The following CCDC80 variants were observed in gnomAD, a reference collection of about 807,000 sequenced individuals.
The protein encoded by CCDC80 is coiled-coil domain containing 80.
Under a neutral mutation model 78.7 loss-of-function variants are expected in CCDC80, and 49 were observed. The ratio of observed to expected loss-of-function variants is 0.62; its 90% CI spans 0.50 to 0.79. CCDC80 has a LOEUF of 0.79. CCDC80 is among the 30% of genes least tolerant of loss of function. The probability of loss-of-function intolerance (pLI) is 0.00; values close to 1 mark genes in which losing one functional copy is unlikely to be tolerated. For missense variants in CCDC80, 1,205 were observed against 1,198.6 expected (o/e 1.01, Z -0.08); for synonymous variants, 488 against 447.0 (o/e 1.09, Z -1.16).
chr3:112,609,484 C>T (rs1935582194), intron 6 of CCDC80, among the ~76,000 whole-genome samples: 1 of 152,076 alleles, frequency 6.6e-6, no homozygotes, highest in Admixed American at 6.5e-5. Context: ...AATTCTTTCA[C>T]TAAGTCTTCT....
chr3:112,617,371 A>T (rs894929125), intron 4 of CCDC80, among the ~76,000 whole-genome samples: 1 of 152,256 alleles, frequency 6.6e-6, no homozygotes, highest in African/African-American at 2.4e-5. Context: ...CTCAGAAATA[A>T]GTTGGGATCC....
chr3:112,610,844 G>A (rs1229925368), intron 5 of CCDC80, among the ~76,000 whole-genome samples: 1 of 151,588 alleles, frequency 6.6e-6, no homozygotes, highest in Non-Finnish European at 1.5e-5. Context: ...TGTCTTTTTG[G>A]GTGTCGTTGA....
chr3:112,613,492 G>A (rs1329742613), intron 5 of CCDC80, among the ~76,000 whole-genome samples: 2 of 151,872 alleles, frequency 1.3e-5, no homozygotes, highest in Non-Finnish European at 2.9e-5. Context: ...GTACTTTCTT[G>A]AGAATAAAAA....
At position 112,640,070 on chromosome 3, in the gene CCDC80, T is replaced by G. The variant is rs969084443; in HGVS notation, c.-11-154A>C. The G allele has an allele frequency of 2.1e-5, 18 of 872,830 alleles. No homozygotes were observed. In the Admixed American group the frequency reaches 4.3e-4, roughly 21 times the overall value. 54.1% of individuals were successfully genotyped at this position (872,830 alleles called of 1,614,324 possible). On this transcript the variant is annotated intron_variant, in intron 1 of 7. Transcript: ENST00000206423. ...AGAGAGAAGGAGGGAGGTCAGGAGA[T>G]GGAAAATGGGATGAGATCCTGTTAC...
intron 2 of CCDC80, among the ~76,000 whole-genome samples, 188 bp downstream of exon 2, chr3:112,637,840 T>C (rs1320376713): frequency 2.0e-5 from 3 of 152,174 alleles, no homozygotes; most frequent in Admixed American, 1.3e-4. Flanking sequence ...CAGAACTTCA[T>C]AGGTCACTAA....
chr3:112,610,285 T>A, intron 5 of CCDC80: 1 of 573,968 alleles, frequency 1.7e-6, no homozygotes, highest in Non-Finnish European at 3.1e-6. Flanking sequence ...AACTTCACAG[T>A]CTTTCTGCTT....
At chr3:112,607,326 A>T (rs1485073862) in intron 6 of CCDC80, 70 bp from the exon 7 acceptor site, 27 of 1,069,028 alleles carry the variant, frequency 2.5e-5, no homozygotes, top group Non-Finnish European at 3.8e-5. Context: ...CAAAGCCCTG[A>T]TATCTGACAA....
At chr3:112,627,495 T>C (rs934508237) in intron 3 of CCDC80, among the ~76,000 whole-genome samples, 4 of 152,176 alleles carry the variant, frequency 2.6e-5, no homozygotes, top group African/African-American at 9.7e-5. Context: ...CACACTGTAG[T>C]TGGATGTGTG....
At chr3:112,616,619 A>G in intron 5 of CCDC80, 91 bp downstream of exon 5, 8 of 1,431,482 alleles carry the variant, frequency 5.6e-6, no homozygotes, top group South Asian at 1.2e-5. Flanking sequence ...CTCTGTAAAC[A>G]CCTGTGGGAT....
At chr3:112,633,275 T>G (rs964698898) in intron 2 of CCDC80, among the ~76,000 whole-genome samples, 1 of 152,158 alleles carries the variant, frequency 6.6e-6, no homozygotes, top group Non-Finnish European at 1.5e-5. Flanking sequence ...CCTTCCTCTG[T>G]CTTTGCCCAA....
chr3:112,625,021 G>A lies in CCDC80; in HGVS notation c.2035+5092C>T, dbSNP rs534221630. Reference sequence around the variant, plus strand: ...TTATCTTGGAGTAGAAAGGGGAGGTGGGAGTCTGAATTTTTTTCCAATTTA... The same window carrying A: ...TTATCTTGGAGTAGAAAGGGGAGGTAGGAGTCTGAATTTTTTTCCAATTTA... On this transcript the variant is annotated intron_variant, in intron 3 of 7. Coordinates refer to ENST00000206423, the MANE Select transcript of CCDC80 (RefSeq NM_199511.3). Among the ~76,000 whole-genome samples, 19 of 152,174 alleles carry A rather than the reference G, an allele frequency of 1.2e-4. No homozygotes were observed. The South Asian group carries it at 3.9e-3, about 32-fold the overall frequency.
chr3:112,633,184 A>C (rs907277339), intron 2 of CCDC80, among the ~76,000 whole-genome samples: 1 of 152,212 alleles, frequency 6.6e-6, no homozygotes, highest in Non-Finnish European at 1.5e-5. Context: ...AACTTATTAC[A>C]GATTGATTTA....
intron 2 of CCDC80, among the ~76,000 whole-genome samples, chr3:112,631,107 A>T (rs1936088394): frequency 6.6e-6 from 1 of 152,166 alleles, no homozygotes. Flanking sequence ...TACAGTAAGG[A>T]TAACCCTACT....
At chr3:112,621,267 T>C (rs1244181919) in intron 3 of CCDC80, among the ~76,000 whole-genome samples, 1 of 152,310 alleles carries the variant, frequency 6.6e-6, no homozygotes, top group East Asian at 1.9e-4. Context: ...CATTAGGGAT[T>C]GTTCTTGCTT....
rs777207010 is a variant in CCDC80 at position 112,602,797 on chromosome 3, A to G, written c.*2620T>C. ...TTGTGCATCCATAAAAGTGCAAAGT[A>G]AAGCAGCAAATGTTGATGTAGAAGC... On this transcript the variant is annotated 3_prime_UTR_variant, in exon 8 of 8. Transcript: ENST00000206423. The G allele has an allele frequency of 2.6e-5, 4 of 152,278 alleles. No homozygotes were observed. Among genetic ancestry groups the G allele is most frequent in the Non-Finnish European group, 5.9e-5 (4 of 68,060 alleles). 9.4% of individuals were successfully genotyped at this position (152,278 alleles called of 1,614,324 possible). A position where few individuals can be genotyped will look rare whatever the true frequency, so the allele number is the denominator to read the frequency against.
Position 112,605,234 on chromosome 3 carries a change from A to G in CCDC80, c.*183T>C, listed in dbSNP as rs576153352. ...AAAAACAATTCTTTTAAATGTCTTT[A>G]TGATTTGAGGTTTCAATAATAACTC... On this transcript the variant is annotated 3_prime_UTR_variant, in exon 8 of 8. Coordinates refer to ENST00000206423, the MANE Select transcript of CCDC80 (RefSeq NM_199511.3). 12 of 495,524 alleles carry G rather than the reference A, an allele frequency of 2.4e-5. No individual in the cohort carries two copies. The South Asian group carries it at 4.5e-4, about 19-fold the overall frequency. 30.7% of individuals were successfully genotyped at this position (495,524 alleles called of 1,614,324 possible).
In CCDC80 at chr3:112,597,845, C is replaced by T. The variant is rs1224555157; in HGVS notation, c.*7572G>A. On this transcript the variant is annotated 3_prime_UTR_variant, in exon 8 of 8. Coordinates refer to ENST00000206423, the MANE Select transcript of CCDC80 (RefSeq NM_199511.3). ...CCATAAAAACCCATAATTGATGATA[C>T]ATATTAGTTTATAATTAACGGCGTA... 6.6e-6 allele frequency: 1 copy of T among 152,190 alleles called. No individual in the cohort carries two copies. Among genetic ancestry groups the T allele is most frequent in the African/African-American group, 2.4e-5 (1 of 41,426 alleles). The allele number at this position is 152,190 out of a possible 1,614,324, so 9.4% of individuals were successfully genotyped here.
chr3:112,637,327 T>C (rs1042969232), intron 2 of CCDC80, among the ~76,000 whole-genome samples: 2 of 152,170 alleles, frequency 1.3e-5, no homozygotes, highest in Non-Finnish European at 2.9e-5. Context: ...TTCCACTCTT[T>C]GGCTCTTCCT....
chr3:112,601,284 C>T lies in CCDC80; in HGVS notation c.*4133G>A, dbSNP rs752677404. 7.2e-5 allele frequency: 11 copies of T among 152,062 alleles called. No individual in the cohort carries two copies. Among genetic ancestry groups the T allele is most frequent in the African/African-American group, 1.7e-4 (7 of 41,382 alleles). The allele number at this position is 152,062 out of a possible 1,614,324, so 9.4% of individuals were successfully genotyped here. On this transcript the variant is annotated 3_prime_UTR_variant, in exon 8 of 8. Coordinates refer to ENST00000206423, the MANE Select transcript of CCDC80 (RefSeq NM_199511.3). The stretch of plus-strand genomic sequence containing the variant: ...GAACATACAGTAGGCACAGATAAAC[C>T]TATAGCAAATATTCACATGTGGTTT...
Sources: allele counts gnomAD v4.1 joint callset (sites outside exome capture counted in the v4.1 genomes callset), GRCh38; gene constraint gnomAD v4.1.1; transcripts MANE v1.5; gene names NCBI Gene and HGNC (gene_info 2026-07-23, HGNC 2026-07-21).